Variants in SLCO4A1 observed in about 807,000 individuals in gnomAD.
SLCO4A1 encodes solute carrier organic anion transporter family member 4A1.
In SLCO4A1, 51 loss-of-function variants were observed where a neutral mutation model predicts 64.6. The ratio of observed to expected loss-of-function variants is 0.79; its 90% CI spans 0.63 to 1.00. SLCO4A1 has a LOEUF of 1.00. SLCO4A1 is among the 50% of genes least tolerant of loss of function. The probability of loss-of-function intolerance (pLI) is 0.00; values close to 1 mark genes in which losing one functional copy is unlikely to be tolerated. For missense variants in SLCO4A1, 919 were observed against 980.5 expected (o/e 0.94, Z 0.84); for synonymous variants, 471 against 444.9 (o/e 1.06, Z -0.74).
intron 2 of SLCO4A1, among the ~76,000 whole-genome samples, chr20:62,683,329 A>G (rs1987919134): frequency 1.3e-5 from 2 of 151,456 alleles, no homozygotes; most frequent in South Asian, 4.1e-4. Context: ...TCTCCTGCAG[A>G]GCCAGCCGCT....
downstream of SLCO4A1, among the ~76,000 whole-genome samples, chr20:62,686,210 T>G (rs1008246164): frequency 2.6e-5 from 4 of 152,204 alleles, no homozygotes; most frequent in African/African-American, 9.7e-5. Flanking sequence ...GCGGAGCTCC[T>G]GGTACAGGAT....
chr20:62,643,049 C>T, intron 1 of SLCO4A1: 1 of 470,124 alleles, frequency 2.1e-6, no homozygotes, highest in Non-Finnish European at 4.4e-6. Context: ...AAGGAGGAAA[C>T]CTTCATGCAC....
At chr20:62,653,228 G>A (rs1033408418) in intron 1 of SLCO4A1, among the ~76,000 whole-genome samples, 3 of 152,198 alleles carry the variant, frequency 2.0e-5, no homozygotes, top group African/African-American at 7.2e-5. Context: ...TGGGGACCGC[G>A]CCTCGGCAGA....
Position 62,682,862 on chromosome 20 carries a change from C to T in SLCO4A1, n.212-2579C>T, listed in dbSNP as rs536978370. Among the ~76,000 whole-genome samples the T allele has an allele frequency of 1.6e-4, 25 of 152,314 alleles. No individual in the cohort carries two copies. In the South Asian group the frequency reaches 2.5e-3, roughly 15 times the overall value. ...ATCATAGGGCATGGCGAGGGTTAAC[C>T]GCTGCACCTGTGCAGAGCTCTGGGG... On this transcript the variant is annotated intron_variant and non_coding_transcript_variant, in intron 2 of 2. Transcript: ENST00000466818.
chr20:62,690,088 G>A (rs908371292), downstream of SLCO4A1, among the ~76,000 whole-genome samples: 9 of 152,212 alleles, frequency 5.9e-5, no homozygotes, highest in East Asian at 1.9e-4. Context: ...CCTGTCTGCC[G>A]TGGATTCCCC....
chr20:62,663,500 C>T (rs1447959645), intron 5 of SLCO4A1: 1 of 152,224 alleles, frequency 6.6e-6, no homozygotes, highest in African/African-American at 2.4e-5. Context: ...GCGGTGTGAG[C>T]AGAGGCGACA....
chr20:62,675,886 T>C (rs1042400717), downstream of SLCO4A1, among the ~76,000 whole-genome samples: 4 of 152,094 alleles, frequency 2.6e-5, no homozygotes, highest in Non-Finnish European at 4.4e-5. Flanking sequence ...CCCGGCTGCC[T>C]GTGGGGAGGA....
intron 1 of SLCO4A1, among the ~76,000 whole-genome samples, chr20:62,652,836 C>T (rs1228070687): frequency 6.6e-6 from 1 of 152,222 alleles, no homozygotes; most frequent in Non-Finnish European, 1.5e-5. Flanking sequence ...CCTCAAACAG[C>T]CTCCCGGCAG....
rs568505559 is a variant in SLCO4A1 at position 62,661,665 on chromosome 20, A to C, written c.1121+490A>C. On this transcript the variant is annotated intron_variant, in intron 5 of 11. Transcript: ENST00000217159. The surrounding 1 kb of genome is among the most constrained non-coding windows in gnomAD (Gnocchi z 5.2). ...CCGGGCCCTGGGATGCTGCCCCCCC[A>C]TCTCCCTCCCTCCCTCAGAGTCTCT... 1.3e-4 allele frequency among the ~76,000 whole-genome samples: 16 copies of C among 120,540 alleles called. No individual in the cohort carries two copies. The highest frequency in any genetic ancestry group is 3.0e-4 in the African/African-American group (9 of 30,040). The allele number at this position is 120,540 out of a possible 152,430, so 79.1% of individuals were successfully genotyped here.
Position 62,672,241 on chromosome 20 carries a change from G to T in SLCO4A1, c.*348G>T. On this transcript the variant is annotated 3_prime_UTR_variant, in exon 12 of 12. Transcript: ENST00000217159. Reference sequence around the variant, plus strand: ...GGCCTGCAGCCTGAGGAAGGCTTGTGTGTCCTCAGTTAAAACTGTGCATAT... The same window carrying T: ...GGCCTGCAGCCTGAGGAAGGCTTGTTTGTCCTCAGTTAAAACTGTGCATAT... 2.4e-6 allele frequency: 3 copies of T among 1,238,446 alleles called. No homozygotes were observed. Among genetic ancestry groups the T allele is most frequent in the Non-Finnish European group, 3.1e-6 (3 of 978,742 alleles). 76.7% of individuals were successfully genotyped at this position (1,238,446 alleles called of 1,614,324 possible).
Position 62,667,910 on chromosome 20 carries a change from G to A in SLCO4A1, c.1638G>A (p.Lys546=), listed in dbSNP as rs34474569. ...AATETNVDGQ[K]VYRDCSCIPQ... ...CGGAGACGAATGTGGACGGCCAGAA[G>A]GTGAGTGGAGCCGCTGCCTACCGCC... The change falls in exon 8 of 12, where the codon AAG becomes AAA. Residue 546 remains lysine (K), a splice_region_variant and synonymous_variant. Transcript: ENST00000217159. 6.2e-7 allele frequency: 1 copy of A among 1,613,868 alleles called. No individual in the cohort carries two copies. Among genetic ancestry groups the A allele is most frequent in the Admixed American group, 1.7e-5 (1 of 60,010 alleles).
chr20:62,687,208 A>C (rs1348180843), downstream of SLCO4A1, among the ~76,000 whole-genome samples: 2 of 151,564 alleles, frequency 1.3e-5, no homozygotes, highest in Non-Finnish European at 2.9e-5. Flanking sequence ...GGGCACCCCC[A>C]AACAGGAGCG....
intron 1 of SLCO4A1, among the ~76,000 whole-genome samples, chr20:62,655,309 T>C (rs372257240): frequency 3.1e-3 from 347 of 110,694 alleles, no homozygotes; most frequent in African/African-American, 0.013. Flanking sequence ...CCTCCCAGGG[T>C]GGGGGCGGCA....
chr20:62,656,836 A>G lies in SLCO4A1; in HGVS notation c.382A>G (p.Ile128Val), dbSNP rs1181803299. 2 of 1,611,802 alleles carry G rather than the reference A, an allele frequency of 1.2e-6. No homozygotes were observed. Among genetic ancestry groups the G allele is most frequent in the Non-Finnish European group, 1.7e-6 (2 of 1,179,132 alleles). ...TGTGAATGGCTTCATCAACACAGTC[A>G]TCACCTCCCTGGAGCGCCGCTATGA... ...MTVNGFINTV[I>V]TSLERRYDLH... The change falls in exon 2 of 12, where the codon ATC becomes GTC. Residue 128 changes from isoleucine to valine, a missense_variant. Transcript: ENST00000217159.
rs772829003 is a variant in SLCO4A1 at position 62,658,741 on chromosome 20, G to A, written c.861G>A (p.Leu287=). The A allele has an allele frequency of 1.2e-6, 2 of 1,611,678 alleles. No individual in the cohort carries two copies. Among genetic ancestry groups the A allele is most frequent in the Non-Finnish European group, 8.5e-7 (1 of 1,179,340 alleles). ...GCTACCTGATTGGAGGTGCCCTGCT[G>A]AATATCTACACGGAAATGGGCCGAC... ...AAGYLIGGAL[L]NIYTEMGRRT... The change falls in exon 3 of 12, where the codon CTG becomes CTA. Residue 287 remains leucine (L), a synonymous_variant. Coordinates refer to ENST00000217159, the MANE Select transcript of SLCO4A1 (RefSeq NM_016354.4).
At chr20:62,665,806 G>A (rs1238658664) in intron 6 of SLCO4A1, 1 of 106,190 alleles carries the variant, frequency 9.4e-6, no homozygotes, top group Non-Finnish European at 2.0e-5. Flanking sequence ...CCCCAAATCT[G>A]TCCCCTCCCC....
intron 1 of SLCO4A1, among the ~76,000 whole-genome samples, chr20:62,647,247 G>T (rs1238394613): frequency 1.3e-5 from 2 of 152,224 alleles, no homozygotes; most frequent in Non-Finnish European, 2.9e-5. Context: ...CAGGTGTCTT[G>T]GGGGGCTGGT....
At chr20:62,680,861 A>G (rs1987793434) in intron 2 of SLCO4A1, among the ~76,000 whole-genome samples, 1 of 152,188 alleles carries the variant, frequency 6.6e-6, no homozygotes, top group Non-Finnish European at 1.5e-5. Flanking sequence ...TGGTTCTGGT[A>G]TATGGGTAAT....
At chr20:62,647,842 C>G (rs532655970) in intron 1 of SLCO4A1, among the ~76,000 whole-genome samples, 3 of 152,358 alleles carry the variant, frequency 2.0e-5, no homozygotes, top group Non-Finnish European at 4.4e-5. Flanking sequence ...CCTCCCAGGT[C>G]ACTGTCCTGG....
Sources: gnomAD v4.1 joint callset for allele counts (sites outside exome capture counted in the v4.1 genomes callset) on GRCh38, gnomAD v4.1.1 for gene constraint, Gnocchi (gnomAD v3.1) non-coding constraint, MANE v1.5 for transcripts, NCBI Gene and HGNC (gene_info 2026-07-23, HGNC 2026-07-21) for gene names.